SUCLG2: variants seen among roughly 807,000 people sequenced by gnomAD.
SUCLG2 encodes succinate-CoA ligase GDP-forming subunit beta.
In SUCLG2, 42 loss-of-function variants were observed where a neutral mutation model predicts 47.9. The observed-to-expected ratio is 0.88, with a 90% CI of 0.69 to 1.14. The LOEUF is 1.14. Ranked by LOEUF, SUCLG2 falls within the 50% of genes most tolerant of loss-of-function variation. The probability of loss-of-function intolerance (pLI) is 0.00; values close to 1 mark genes in which losing one functional copy is unlikely to be tolerated. For synonymous variants in SUCLG2, 195 were observed against 197.3 expected, an observed-to-expected ratio of 0.99 and a Z score of 0.10; for missense variants, 571 against 525.9, an observed-to-expected ratio of 1.09 and a Z score of -0.84.
intron 2 of SUCLG2, among the ~76,000 whole-genome samples, chr3:67,556,295 T>C (rs940058183): frequency 6.6e-6 from 1 of 152,184 alleles, no homozygotes; most frequent in Admixed American, 6.5e-5. Flanking sequence ...GCATCAACAC[T>C]GTTTCCTGAC....
At chr3:67,409,889 T>G (rs1378788399) in intron 9 of SUCLG2, among the ~76,000 whole-genome samples, 1 of 152,182 alleles carries the variant, frequency 6.6e-6, no homozygotes, top group Non-Finnish European at 1.5e-5. Context: ...ATATAAATTA[T>G]AAAGCCATAC....
chr3:67,427,190 G>C (rs763336049), intron 9 of SUCLG2, among the ~76,000 whole-genome samples: 7 of 151,984 alleles, frequency 4.6e-5, no homozygotes, highest in African/African-American at 7.3e-5. Context: ...TCTTTTTTTA[G>C]AAAAACATTT....
chr3:67,568,855 C>G (rs1014031388), intron 2 of SUCLG2, among the ~76,000 whole-genome samples: 8 of 152,068 alleles, frequency 5.3e-5, no homozygotes, highest in African/African-American at 1.9e-4. Context: ...CCACTGCACT[C>G]CAGCCTGGGC....
In SUCLG2 at chr3:67,649,909, G is replaced by A. The variant is rs187395161; in HGVS notation, c.84+4594C>T. ...ATTTCAGTGACTTTCTGGGCTTTGC[G>A]CCTGCAGAACTAGACCAGGGTACGA... On this transcript the variant is annotated intron_variant, in intron 1 of 10. Coordinates refer to ENST00000307227, the MANE Select transcript of SUCLG2 (RefSeq NM_003848.4). Among the ~76,000 whole-genome samples the A allele has an allele frequency of 7.9e-5, 12 of 152,202 alleles. No individual in the cohort carries two copies. In the East Asian group the frequency reaches 1.2e-3, roughly 15 times the overall value.
At chr3:67,646,319 G>A (rs187936573) in intron 1 of SUCLG2, among the ~76,000 whole-genome samples, 1,574 of 152,236 alleles carry the variant, frequency 0.01, 20 homozygotes, top group Non-Finnish European at 0.013. Context: ...AAGTTTGGCC[G>A]GGCACGGTGG....
chr3:67,472,400 A>G (rs1414631790), intron 9 of SUCLG2, among the ~76,000 whole-genome samples: 2 of 152,202 alleles, frequency 1.3e-5, no homozygotes, highest in Non-Finnish European at 2.9e-5. Context: ...AATCATAGAC[A>G]TATTACATGA....
At chr3:67,609,686 T>C in intron 1 of SUCLG2, 90 bp from the exon 2 acceptor site, 2 of 1,249,316 alleles carry the variant, frequency 1.6e-6, no homozygotes, top group Non-Finnish European at 2.2e-6. Context: ...GAGGTACTGT[T>C]GACTGGCAAT....
chr3:67,466,584 C>A (rs749456461), intron 9 of SUCLG2, among the ~76,000 whole-genome samples: 1 of 152,170 alleles, frequency 6.6e-6, no homozygotes, highest in Admixed American at 6.5e-5. Context: ...CTATTACTAA[C>A]ATGGAAAAGC....
intron 9 of SUCLG2, chr3:67,408,974 G>T (rs550519314): frequency 6.5e-7 from 1 of 1,535,234 alleles, no homozygotes; most frequent in Non-Finnish European, 8.7e-7. Flanking sequence ...CAAGCTTCAA[G>T]AACGTGCTTC....
intron 9 of SUCLG2, among the ~76,000 whole-genome samples, chr3:67,483,319 C>T (rs920679149): frequency 9.9e-5 from 15 of 152,214 alleles, no homozygotes; most frequent in African/African-American, 3.4e-4. Flanking sequence ...AGGACAACTC[C>T]GAGGGGCAGA....
chr3:67,519,487 C>T (rs1455228716), intron 5 of SUCLG2, among the ~76,000 whole-genome samples: 1 of 152,142 alleles, frequency 6.6e-6, no homozygotes, highest in Non-Finnish European at 1.5e-5. Context: ...GAACTTAACT[C>T]TTGTTTATAT....
At chr3:67,648,314 G>T (rs1701225731) in intron 1 of SUCLG2, among the ~76,000 whole-genome samples, 1 of 152,176 alleles carries the variant, frequency 6.6e-6, no homozygotes, top group South Asian at 2.1e-4. Flanking sequence ...GAGGAAGGTG[G>T]ATAAGAGTCC....
chr3:67,534,671 G>C (rs559606856), intron 2 of SUCLG2, among the ~76,000 whole-genome samples: 2 of 140,940 alleles, frequency 1.4e-5, no homozygotes, highest in South Asian at 4.7e-4. Context: ...TTTTCATGTA[G>C]TTTAATACTA....
intron 1 of SUCLG2, among the ~76,000 whole-genome samples, chr3:67,614,734 T>A (rs11914829): frequency 0.027 from 4,101 of 152,130 alleles, 190 homozygotes; most frequent in African/African-American, 0.093. Context: ...TACTGGGGTT[T>A]CAAGATATAA....
chr3:67,401,554 C>G (rs1326777725), intron 9 of SUCLG2, among the ~76,000 whole-genome samples: 1 of 145,522 alleles, frequency 6.9e-6, no homozygotes, highest in African/African-American at 2.6e-5. Context: ...GTACATATTC[C>G]ATATTCAAAG....
intron 4 of SUCLG2, among the ~76,000 whole-genome samples, chr3:67,520,846 G>C (rs1706082059): frequency 1.3e-5 from 2 of 152,114 alleles, no homozygotes; most frequent in Admixed American, 6.5e-5. Flanking sequence ...ACTTGTTCGA[G>C]TGACAGGTAT....
At chr3:67,537,234 G>A (rs891325180) in intron 2 of SUCLG2, among the ~76,000 whole-genome samples, 8 of 151,166 alleles carry the variant, frequency 5.3e-5, no homozygotes, top group Admixed American at 1.3e-4. Flanking sequence ...CCAACCCACC[G>A]ACAGGCCCCA....
chr3:67,404,136 G>C (rs1288647799), intron 9 of SUCLG2, among the ~76,000 whole-genome samples: 1 of 152,104 alleles, frequency 6.6e-6, no homozygotes, highest in Non-Finnish European at 1.5e-5. Flanking sequence ...CTCCTGCCTT[G>C]GCCTCCCAAA....
chr3:67,393,055 A>G (rs1702428329), intron 10 of SUCLG2, among the ~76,000 whole-genome samples: 1 of 152,082 alleles, frequency 6.6e-6, no homozygotes, highest in Non-Finnish European at 1.5e-5. Flanking sequence ...GATGGCCGAA[A>G]TGGAACAGCT....
Sources: gnomAD v4.1 joint callset for allele counts (sites outside exome capture counted in the v4.1 genomes callset) on GRCh38, gnomAD v4.1.1 for gene constraint, MANE v1.5 for transcripts, NCBI Gene and HGNC (gene_info 2026-07-23, HGNC 2026-07-21) for gene names.